The following RGL1 variants were observed in gnomAD, a reference collection of about 807,000 sequenced individuals.
RGL1 encodes the protein ral guanine nucleotide dissociation stimulator-like 1.
Under a neutral mutation model 95.2 loss-of-function variants are expected in RGL1, and 24 were observed. The ratio of observed to expected loss-of-function variants is 0.25; its 90% CI spans 0.18 to 0.35. RGL1 has a LOEUF of 0.35. RGL1 is among the 10% of genes least tolerant of loss of function. RGL1 has a pLI of 1.00. For missense variants in RGL1, 715 were observed against 936.3 expected (o/e 0.76, Z 3.08); for synonymous variants, 329 against 344.9 (o/e 0.95, Z 0.51).
At chr1:183,814,203 GA>G (rs1661923917) in intron 2 of RGL1, among the ~76,000 whole-genome samples, 1 of 152,194 alleles carries the variant, frequency 6.6e-6, no homozygotes, top group African/African-American at 2.4e-5. Flanking sequence ...CATACAGAGA[GA>G]GAGAGAGAGA....
intron 1 of RGL1, among the ~76,000 whole-genome samples, chr1:183,690,290 A>G (rs1018489562): frequency 6.6e-6 from 1 of 152,222 alleles, no homozygotes; most frequent in Non-Finnish European, 1.5e-5. Context: ...GTATGTTTAT[A>G]TGAGCAGTTT....
chr1:183,696,232 C>G (rs760390167), intron 1 of RGL1, among the ~76,000 whole-genome samples: 1 of 152,168 alleles, frequency 6.6e-6, no homozygotes. Flanking sequence ...GGCTCGCGCT[C>G]TCCTGGCTTT....
chr1:183,696,573 T>C (rs988191024), intron 1 of RGL1, among the ~76,000 whole-genome samples: 7 of 152,208 alleles, frequency 4.6e-5, no homozygotes, highest in African/African-American at 1.7e-4. Flanking sequence ...ACTCCATCTA[T>C]ATATTGACAA....
chr1:183,695,365 C>G (rs552198919), intron 1 of RGL1, among the ~76,000 whole-genome samples: 4 of 152,196 alleles, frequency 2.6e-5, no homozygotes, highest in Non-Finnish European at 4.4e-5. Flanking sequence ...ATGTCACTTA[C>G]TATCACTAAT....
chr1:183,908,336 T>A (rs892487521), intron 14 of RGL1, among the ~76,000 whole-genome samples: 5 of 152,088 alleles, frequency 3.3e-5, no homozygotes, highest in Non-Finnish European at 5.9e-5. Flanking sequence ...GATAGCAAGG[T>A]CTCCCACCAT....
chr1:183,870,093 A>G (rs1403838795), intron 4 of RGL1, among the ~76,000 whole-genome samples: 2 of 152,130 alleles, frequency 1.3e-5, no homozygotes, highest in African/African-American at 4.8e-5. Flanking sequence ...AGACAACACA[A>G]AGCGGTGTGG....
At chr1:183,656,738 C>T (rs1651194369) in intron 1 of RGL1, among the ~76,000 whole-genome samples, 1 of 152,168 alleles carries the variant, frequency 6.6e-6, no homozygotes, top group African/African-American at 2.4e-5. Flanking sequence ...AATGTTTTAA[C>T]ACATCATACA....
intron 1 of RGL1, among the ~76,000 whole-genome samples, chr1:183,638,202 T>C (rs1427428415): frequency 6.6e-6 from 1 of 152,182 alleles, no homozygotes; most frequent in Non-Finnish European, 1.5e-5. Context: ...GTGAAAGAAA[T>C]TTAAATAATC....
intron 2 of RGL1, among the ~76,000 whole-genome samples, chr1:183,766,056 A>G (rs544960750): frequency 6.6e-6 from 1 of 152,072 alleles, no homozygotes; most frequent in South Asian, 2.1e-4. Flanking sequence ...CGTTGTGCAT[A>G]TGTACCCTAA....
chr1:183,657,368 C>T (rs1027363985), intron 1 of RGL1, among the ~76,000 whole-genome samples: 2 of 152,098 alleles, frequency 1.3e-5, no homozygotes, highest in African/African-American at 4.8e-5. Context: ...TATACATGTG[C>T]CATGTTGGTG....
At chr1:183,734,218 C>T (rs1381875444) in intron 1 of RGL1, among the ~76,000 whole-genome samples, 1 of 152,150 alleles carries the variant, frequency 6.6e-6, no homozygotes, top group Non-Finnish European at 1.5e-5. Flanking sequence ...GTGAGAAGTC[C>T]ACCTCTGAAT....
At chr1:183,778,362 G>A (rs1659708823) in intron 2 of RGL1, among the ~76,000 whole-genome samples, 1 of 152,144 alleles carries the variant, frequency 6.6e-6, no homozygotes, top group Admixed American at 6.6e-5. Context: ...CGGGGGAGAA[G>A]GGAGGATATC....
chr1:183,849,270 T>C (rs1041638798), intron 3 of RGL1, among the ~76,000 whole-genome samples: 3 of 151,444 alleles, frequency 2.0e-5, no homozygotes, highest in South Asian at 2.1e-4. Context: ...TTTTTACTTA[T>C]CTGCATATCT....
chr1:183,915,521 A>G (rs1668905602), intron 15 of RGL1, among the ~76,000 whole-genome samples: 1 of 152,230 alleles, frequency 6.6e-6, no homozygotes, highest in African/African-American at 2.4e-5. Context: ...ACACATCATG[A>G]AAATGTATAC....
At chr1:183,925,343 G>C (rs1324733889) in intron 17 of RGL1, among the ~76,000 whole-genome samples, 1 of 152,130 alleles carries the variant, frequency 6.6e-6, no homozygotes, top group Admixed American at 6.6e-5. Context: ...AGGGGGTTGG[G>C]GAAAAGGGGA....
intron 2 of RGL1, among the ~76,000 whole-genome samples, chr1:183,790,406 T>C (rs1307193210): frequency 6.6e-6 from 1 of 152,212 alleles, no homozygotes; most frequent in Non-Finnish European, 1.5e-5. Context: ...TTCTGGACCA[T>C]GTAAGGCAGC....
intron 1 of RGL1, chr1:183,646,268 A>G (rs893922664): frequency 6.6e-6 from 1 of 152,234 alleles, no homozygotes; most frequent in Admixed American, 6.5e-5. Flanking sequence ...TATGCTAACA[A>G]TAAAACTTTG....
intron 2 of RGL1, among the ~76,000 whole-genome samples, chr1:183,816,544 C>A (rs952676248): frequency 6.6e-6 from 1 of 152,192 alleles, no homozygotes; most frequent in Admixed American, 6.5e-5. Flanking sequence ...ATTTCCTCAC[C>A]TGTGAAATGG....
chr1:183,775,422 C>G (rs992991065), intron 2 of RGL1, among the ~76,000 whole-genome samples: 1 of 152,130 alleles, frequency 6.6e-6, no homozygotes, highest in South Asian at 2.1e-4. Context: ...AGCACACAGC[C>G]CATAGGAAGC....
Sources: allele counts gnomAD v4.1 joint callset (sites outside exome capture counted in the v4.1 genomes callset), GRCh38; gene constraint gnomAD v4.1.1; transcripts MANE v1.5; gene names NCBI Gene and HGNC (gene_info 2026-07-23, HGNC 2026-07-21).